The following RSPO2 variants were observed in gnomAD, a reference collection of about 807,000 sequenced individuals.
RSPO2 encodes R-spondin 2.
A neutral mutation model predicts 30.9 loss-of-function variants in RSPO2; 14 were observed. The observed-to-expected ratio is 0.45, with a 90% confidence interval of 0.30 to 0.71. The LOEUF (loss-of-function observed/expected upper bound fraction) is 0.71, where lower values mean the gene tolerates loss of function less well. Ranked by LOEUF, RSPO2 falls within the 30% of genes least tolerant of loss-of-function variation. RSPO2 has a pLI of 0.08. For missense variants in RSPO2, 264 were observed against 301.9 expected, an observed-to-expected ratio of 0.87 and a Z score of 0.93; for synonymous variants, 107 against 96.4, an observed-to-expected ratio of 1.11 and a Z score of -0.64.
At chr8:108,003,041 G>A (rs1586618076) in intron 2 of RSPO2, among the ~76,000 whole-genome samples, 1 of 143,282 alleles carries the variant, frequency 7.0e-6, no homozygotes, top group Non-Finnish European at 1.5e-5. Flanking sequence ...ACAGAATTTA[G>A]ACCTCAATAA....
intron 2 of RSPO2, among the ~76,000 whole-genome samples, chr8:108,035,131 AC>A (rs1034266864): frequency 6.6e-6 from 1 of 152,230 alleles, no homozygotes; most frequent in Non-Finnish European, 1.5e-5. Flanking sequence ...TAACAGAAAG[AC>A]CAAAAGATTA....
At chr8:107,969,591 A>C (rs960377665) in intron 3 of RSPO2, among the ~76,000 whole-genome samples, 1 of 152,212 alleles carries the variant, frequency 6.6e-6, no homozygotes, top group African/African-American at 2.4e-5. Flanking sequence ...CAAGTGATGC[A>C]TATTTGAAAT....
intron 5 of RSPO2, among the ~76,000 whole-genome samples, chr8:107,939,922 T>C (rs1812841399): frequency 6.6e-6 from 1 of 152,078 alleles, no homozygotes; most frequent in South Asian, 2.1e-4. Context: ...AATATCATCT[T>C]TGAACCAGAG....
intron 2 of RSPO2, among the ~76,000 whole-genome samples, chr8:108,000,925 C>T (rs1275762890): frequency 6.6e-6 from 1 of 151,952 alleles, no homozygotes; most frequent in Non-Finnish European, 1.5e-5. Flanking sequence ...TGGCTTGAAC[C>T]AGGGAGGTGG....
At chr8:107,907,014 C>G (rs1272223643) in intron 5 of RSPO2, among the ~76,000 whole-genome samples, 1 of 151,360 alleles carries the variant, frequency 6.6e-6, no homozygotes, top group Admixed American at 6.6e-5. Flanking sequence ...ATACATTTTA[C>G]TTATGTATTA....
intron 2 of RSPO2, among the ~76,000 whole-genome samples, chr8:108,064,423 T>C (rs1812587706): frequency 6.6e-6 from 1 of 152,046 alleles, no homozygotes; most frequent in Non-Finnish European, 1.5e-5. Context: ...CATGAAAAAA[T>C]GGTCATCATC....
chr8:107,999,814 CCA>C (rs1815168055), intron 2 of RSPO2, among the ~76,000 whole-genome samples: 2 of 88,200 alleles, frequency 2.3e-5, no homozygotes, highest in African/African-American at 1.5e-4. Context: ...CTAATATCTT[CCA>C]AAAAAAAAAA....
intron 3 of RSPO2, among the ~76,000 whole-genome samples, chr8:107,967,205 A>G (rs185731207): frequency 1.9e-4 from 29 of 152,360 alleles, no homozygotes; most frequent in Admixed American, 1.5e-3. Flanking sequence ...TTCCCAAAAC[A>G]TTCAAAATTA....
intron 2 of RSPO2, among the ~76,000 whole-genome samples, chr8:108,018,398 G>C (rs1301662941): frequency 6.6e-6 from 1 of 152,056 alleles, no homozygotes; most frequent in African/African-American, 2.4e-5. Flanking sequence ...ACCTTCCTTA[G>C]GTCAACACAG....
chr8:108,007,913 T>C (rs1000711146), intron 2 of RSPO2, among the ~76,000 whole-genome samples: 2 of 151,958 alleles, frequency 1.3e-5, no homozygotes, highest in Admixed American at 6.6e-5. Context: ...GAATAGCCAC[T>C]GCACTCCAGA....
intron 5 of RSPO2, among the ~76,000 whole-genome samples, chr8:107,942,684 C>T (rs1292797270): frequency 6.6e-6 from 1 of 152,100 alleles, no homozygotes; most frequent in Non-Finnish European, 1.5e-5. Flanking sequence ...ATAGGAACTA[C>T]ACATTTGCTT....
chr8:108,070,335 G>C (rs1289635291), intron 2 of RSPO2, among the ~76,000 whole-genome samples: 8 of 138,796 alleles, frequency 5.8e-5, no homozygotes, highest in South Asian at 2.4e-4. Flanking sequence ...GCCCAGGCCG[G>C]ACTGCGGACT....
chr8:108,051,871 A>C (rs1812089655), intron 2 of RSPO2, among the ~76,000 whole-genome samples: 1 of 152,182 alleles, frequency 6.6e-6, no homozygotes, highest in Non-Finnish European at 1.5e-5. Context: ...AGGGTTAAGT[A>C]AATTTGTTTC....
chr8:107,951,791 A>G (rs918359752), intron 5 of RSPO2, among the ~76,000 whole-genome samples: 2 of 152,018 alleles, frequency 1.3e-5, no homozygotes, highest in African/African-American at 4.8e-5. Context: ...TGAAACCGAG[A>G]AAAGAAGTTG....
intron 5 of RSPO2, among the ~76,000 whole-genome samples, chr8:107,906,088 T>C (rs1429997129): frequency 6.6e-6 from 1 of 151,974 alleles, no homozygotes; most frequent in Non-Finnish European, 1.5e-5. Flanking sequence ...ATTGAGAATA[T>C]AAAATTGATA....
chr8:108,006,832 A>G (rs1466991360), intron 2 of RSPO2, among the ~76,000 whole-genome samples: 1 of 152,244 alleles, frequency 6.6e-6, no homozygotes, highest in Non-Finnish European at 1.5e-5. Context: ...GTGTATGTCA[A>G]CATTTATATT....
chr8:107,917,412 G>A (rs973393776), intron 5 of RSPO2, among the ~76,000 whole-genome samples: 6 of 152,154 alleles, frequency 3.9e-5, no homozygotes, highest in Admixed American at 2.0e-4. Context: ...TTGAACCCAG[G>A]AGGTGGAGGC....
intron 5 of RSPO2, among the ~76,000 whole-genome samples, chr8:107,949,283 A>G (rs1025706054): frequency 6.6e-6 from 1 of 152,076 alleles, no homozygotes; most frequent in Admixed American, 6.6e-5. Context: ...GAGTTACTTC[A>G]CTTGGAATAA....
intron 2 of RSPO2, among the ~76,000 whole-genome samples, chr8:108,047,366 A>G (rs6993184): frequency 0.18 from 27,729 of 152,208 alleles, 2,753 homozygotes; most frequent in South Asian, 0.34. Flanking sequence ...TTGTGACTTC[A>G]TGTCTTGAAA....
Sources: gnomAD v4.1 joint callset for allele counts (sites outside exome capture counted in the v4.1 genomes callset) on GRCh38, gnomAD v4.1.1 for gene constraint, MANE v1.5 for transcripts, NCBI Gene and HGNC (gene_info 2026-07-23, HGNC 2026-07-21) for gene names.